Variants in FAT3 observed in about 807,000 individuals in gnomAD.
FAT3 encodes the protein protocadherin Fat 3.
FAT3 carries 95 observed loss-of-function variants against 310.2 expected under a neutral mutation model. The observed-to-expected ratio is 0.31, with a 90% CI of 0.26 to 0.36. FAT3 has a LOEUF of 0.36. Ranked by LOEUF, FAT3 falls within the 10% of genes least tolerant of loss-of-function variation. The pLI is 1.00. For missense variants in FAT3, 5,408 were observed against 5,715.6 expected (o/e 0.95, Z 1.74); for synonymous variants, 2,314 against 2,192.9 (o/e 1.06, Z -1.54).
At chr11:92,857,449 T>G in intron 20 of FAT3, 101 bp downstream of exon 20, 1 of 1,503,506 alleles carries the variant, frequency 6.7e-7, no homozygotes, top group Non-Finnish European at 9.0e-7. Flanking sequence ...AAACGTTTCT[T>G]TATGCATGCA....
chr11:92,447,880 G>A (rs1951258196), intron 2 of FAT3, among the ~76,000 whole-genome samples: 1 of 151,850 alleles, frequency 6.6e-6, no homozygotes, highest in South Asian at 2.1e-4. Context: ...TTGCAGAAGG[G>A]TAGATGCTGA....
Position 92,282,954 on chromosome 11 carries a change from T to A in FAT3, c.-18+57780T>A, listed in dbSNP as rs1334131590. Reference sequence around the variant, plus strand: ...GAAAATCTGTGATCCTGTTTTTATTTTATTTTGCTCTATAGTAATCATCAC... The same window carrying A: ...GAAAATCTGTGATCCTGTTTTTATTATATTTTGCTCTATAGTAATCATCAC... On this transcript the variant is annotated intron_variant, in intron 1 of 27. Coordinates refer to ENST00000525166, the MANE Select transcript of FAT3 (RefSeq NM_001367949.2). 3.3e-5 allele frequency among the ~76,000 whole-genome samples: 5 copies of A among 152,276 alleles called. No individual in the cohort carries two copies. The East Asian group carries it at 9.7e-4, about 30-fold the overall frequency.
At chr11:92,298,263 G>A (rs563387454) in intron 1 of FAT3, among the ~76,000 whole-genome samples, 1 of 152,172 alleles carries the variant, frequency 6.6e-6, no homozygotes, top group South Asian at 2.1e-4. Context: ...ATGGTTTTCT[G>A]TCTTGGAGAG....
chr11:92,314,535 T>C (rs1162757163), intron 1 of FAT3, among the ~76,000 whole-genome samples: 1 of 152,188 alleles, frequency 6.6e-6, no homozygotes. Flanking sequence ...GTTTGGGTTT[T>C]TGTTTCTGAT....
rs1375296832 is a variant in FAT3, at chr11:92,352,648, A to T, written c.536A>T (p.Gln179Leu). Residue 179 changes from glutamine to leucine, a missense_variant, in exon 2 of 28, where the codon CAG (glutamine) becomes CTG (leucine). This residue lies in a region of FAT3 where 4,588 missense variants were observed against 4,809.8 expected (regional missense o/e 0.95). Transcript: ENST00000525166. ...ESTPLRTSVA[Q>L]VTATDADIGS... ...ACACCTCTAAGGACTAGTGTTGCCC[A>T]GGTGACTGCAACAGACGCAGATATT... 6.2e-7 allele frequency: 1 copy of T among 1,613,886 alleles called. No individual in the cohort carries two copies. The highest frequency in any genetic ancestry group is 2.2e-5 in the East Asian group (1 of 44,870).
intron 1 of FAT3, chr11:92,336,328 C>T (rs995661090): frequency 1.4e-5 from 6 of 436,192 alleles, no homozygotes; most frequent in South Asian, 1.1e-4. Flanking sequence ...TCTGGGTCCT[C>T]CTGCCAATGT....
chr11:92,719,043 C>T (rs543335892), intron 4 of FAT3, among the ~76,000 whole-genome samples: 50 of 152,234 alleles, frequency 3.3e-4, no homozygotes, highest in Admixed American at 2.8e-3. Context: ...TCCAGCTTTC[C>T]ATGGAAATAT....
In FAT3 at chr11:92,540,705, C is replaced by T. The variant is rs569478893; in HGVS notation, c.3607+15757C>T. Among the ~76,000 whole-genome samples the T allele has an allele frequency of 6.6e-5, 10 of 152,080 alleles. No homozygotes were observed. In the South Asian group the frequency reaches 1.2e-3, roughly 19 times the overall value. On this transcript the variant is annotated intron_variant, in intron 3 of 27. Coordinates refer to ENST00000525166, the MANE Select transcript of FAT3 (RefSeq NM_001367949.2). ...CAAAGTAGTGTTCATGCTTGGTGCC[C>T]TTGTGCCTTGAGTCCTAAAGTGAAC...
intron 1 of FAT3, among the ~76,000 whole-genome samples, chr11:92,261,509 C>CT (rs1865552940): frequency 6.6e-6 from 1 of 152,068 alleles, no homozygotes; most frequent in African/African-American, 2.4e-5. Flanking sequence ...TTCTCTTGCT[C>CT]TTTTTGTCTT....
At chr11:92,685,735 T>C (rs1943616838) in intron 3 of FAT3, among the ~76,000 whole-genome samples, 1 of 152,020 alleles carries the variant, frequency 6.6e-6, no homozygotes, top group Non-Finnish European at 1.5e-5. Flanking sequence ...ATTCCTTTAA[T>C]GAACATTAAG....
chr11:92,801,234 A>C lies in FAT3; in HGVS notation c.8221A>C (p.Ser2741Arg). 1 of 1,613,936 alleles carries C rather than the reference A, an allele frequency of 6.2e-7. No individual in the cohort carries two copies. ...RILPSQNVWF[S>R]TVNGERPENN... is the part of the protein sequence containing the mutation. ...TTTGCCCAGTCAGAATGTCTGGTTC[A>C]GCACAGTTAATGGGGAACGGCCAGA... is the stretch of plus-strand genomic sequence containing the variant. The change falls in exon 10 of 28, where the codon AGC becomes CGC. Residue 2741 changes from serine to arginine, a missense_variant. By Grantham distance (110) the Ser-to-Arg change is moderately radical (BLOSUM62 -1). Coordinates refer to ENST00000525166, the MANE Select transcript of FAT3 (RefSeq NM_001367949.2).
intron 6 of FAT3, among the ~76,000 whole-genome samples, chr11:92,770,388 T>C (rs1314394964): frequency 1.3e-5 from 2 of 152,242 alleles, no homozygotes; most frequent in East Asian, 1.9e-4. Context: ...CAAGTAAATA[T>C]CCTTTTCAGC....
chr11:92,335,832 G>GAGAT (rs1948056810), intron 1 of FAT3, among the ~76,000 whole-genome samples: 2 of 151,982 alleles, frequency 1.3e-5, no homozygotes, highest in Admixed American at 1.3e-4. Context: ...AAGGAAGAAG[G>GAGAT]AGATATATTA....
At position 92,762,007 on chromosome 11, in the gene FAT3, C is replaced by A. The variant is rs756902208; in HGVS notation, c.3821C>A (p.Pro1274Gln). 3 of 1,613,742 alleles carry A rather than the reference C, an allele frequency of 1.9e-6. No individual in the cohort carries two copies. In the African/African-American group the frequency reaches 4.0e-5, roughly 22 times the overall value. The change falls in exon 5 of 28, where the codon CCG becomes CAG. Residue 1274 changes from proline to glutamine, a missense_variant. Physicochemically the swap from Pro to Gln is moderately conservative, Grantham distance 76 (BLOSUM62 -1). Coordinates refer to ENST00000525166, the MANE Select transcript of FAT3 (RefSeq NM_001367949.2). ...PERDRKKRGE[P>Q]IYRAFAFDRD... ...CGTGACCGAAAGAAGAGAGGAGAAC[C>A]GATTTACAGGGCTTTTGCATTTGAT...
chr11:92,853,936 G>T (rs1948901929), intron 19 of FAT3, among the ~76,000 whole-genome samples: 1 of 152,156 alleles, frequency 6.6e-6, no homozygotes, highest in Admixed American at 6.5e-5. Context: ...CTGGCTTGAA[G>T]GTGGGGCATC....
chr11:92,621,464 T>C (rs1232447857), intron 3 of FAT3, among the ~76,000 whole-genome samples: 1 of 152,210 alleles, frequency 6.6e-6, no homozygotes, highest in East Asian at 1.9e-4. Flanking sequence ...TGTTAAAGCT[T>C]ATTCAACTAG....
At chr11:92,269,884 A>G (rs554409319) in intron 1 of FAT3, among the ~76,000 whole-genome samples, 4 of 152,224 alleles carry the variant, frequency 2.6e-5, no homozygotes, top group South Asian at 2.1e-4. Flanking sequence ...TTTCTATTCT[A>G]CATCCTCTAG....
At chr11:92,509,574 G>A (rs1000225852) in intron 2 of FAT3, among the ~76,000 whole-genome samples, 2 of 152,166 alleles carry the variant, frequency 1.3e-5, no homozygotes, top group Admixed American at 1.3e-4. Flanking sequence ...TGGCAGTGAT[G>A]GAGGAGAGAA....
intron 2 of FAT3, among the ~76,000 whole-genome samples, chr11:92,518,127 T>G (rs1953549036): frequency 6.6e-6 from 1 of 152,014 alleles, no homozygotes; most frequent in African/African-American, 2.4e-5. Context: ...AGAAATTTAC[T>G]AGACATATAC....
Sources: gnomAD v4.1 joint callset for allele counts (sites outside exome capture counted in the v4.1 genomes callset) on GRCh38, gnomAD v4.1.1 for gene constraint, gnomAD v4.1.1 regional missense constraint, MANE v1.5 for transcripts, NCBI Gene and HGNC (gene_info 2026-07-23, HGNC 2026-07-21) for gene names.